TBL1XR1: variants seen among roughly 807,000 people sequenced by gnomAD.
TBL1XR1 encodes the protein F-box-like/WD repeat-containing protein TBL1XR1.
TBL1XR1 carries 5 observed loss-of-function variants against 66.9 expected under a neutral mutation model. The observed-to-expected ratio is 0.07, with a 90% CI of 0.04 to 0.16. The LOEUF is 0.16. Among genes scored for constraint, TBL1XR1 ranks in the 10% least tolerant of loss-of-function variants. The pLI is 1.00. For missense variants in TBL1XR1, 238 were observed against 623.2 expected, an observed-to-expected ratio of 0.38 and a Z score of 6.58; for synonymous variants, 210 against 206.0, an observed-to-expected ratio of 1.02 and a Z score of -0.17.
chr3:177,103,639 G>C (rs1724509580), intron 1 of TBL1XR1, among the ~76,000 whole-genome samples: 1 of 152,062 alleles, frequency 6.6e-6, no homozygotes, highest in Admixed American at 6.5e-5. Context: ...TTAATTTATA[G>C]ATAACTTTGA....
At chr3:177,098,370 G>T in intron 2 of TBL1XR1, 96 bp downstream of exon 2, 2 of 607,342 alleles carry the variant, frequency 3.3e-6, no homozygotes, top group Non-Finnish European at 2.1e-6. Context: ...GGGAACACAT[G>T]TATTTTGTCA....
chr3:177,062,346 T>C (rs552231256), intron 3 of TBL1XR1, among the ~76,000 whole-genome samples: 2 of 152,360 alleles, frequency 1.3e-5, no homozygotes, highest in African/African-American at 4.8e-5. Context: ...ACAACTAATA[T>C]AGACCAGTGG....
chr3:177,086,617 T>A (rs1722158767), intron 2 of TBL1XR1, among the ~76,000 whole-genome samples: 1 of 152,138 alleles, frequency 6.6e-6, no homozygotes, highest in African/African-American at 2.4e-5. Flanking sequence ...GCCCACAATT[T>A]TTTTTTAAGA....
chr3:177,093,588 G>A (rs530323539), intron 2 of TBL1XR1, among the ~76,000 whole-genome samples: 106 of 152,280 alleles, frequency 7.0e-4, no homozygotes, highest in Non-Finnish European at 1.2e-3. Context: ...TAAGGCCATA[G>A]TCACCAAAAC....
chr3:177,043,845 T>C (rs994358204), intron 10 of TBL1XR1, among the ~76,000 whole-genome samples: 6 of 152,338 alleles, frequency 3.9e-5, no homozygotes, highest in East Asian at 3.9e-4. Context: ...TAACTGTAAT[T>C]ATTTTTAGTA....
At chr3:177,163,832 A>G (rs1732503901) in intron 1 of TBL1XR1, 1 of 152,234 alleles carries the variant, frequency 6.6e-6, no homozygotes, top group Non-Finnish European at 1.5e-5. Context: ...ATCAGCTTCA[A>G]TTCATATGTA....
intron 2 of TBL1XR1, among the ~76,000 whole-genome samples, chr3:177,066,954 CTGAA>C (rs1168298645): frequency 1.3e-5 from 2 of 152,118 alleles, no homozygotes; most frequent in African/African-American, 4.8e-5. Context: ...TTTATATAAC[CTGAA>C]TGTTTATTAC....
intron 1 of TBL1XR1, among the ~76,000 whole-genome samples, chr3:177,105,157 A>AT (rs1724717452): frequency 6.6e-6 from 1 of 152,182 alleles, no homozygotes; most frequent in African/African-American, 2.4e-5. Flanking sequence ...ATTTTAAGTT[A>AT]TTTTTTCTTT....
chr3:177,102,650 T>G (rs1192013813), intron 1 of TBL1XR1, among the ~76,000 whole-genome samples: 2 of 152,212 alleles, frequency 1.3e-5, no homozygotes, highest in Non-Finnish European at 2.9e-5. Context: ...ATTTCTACTT[T>G]TACTCAACAT....
chr3:177,133,560 ACAC>A (rs1728555272), intron 1 of TBL1XR1, among the ~76,000 whole-genome samples: 1 of 152,190 alleles, frequency 6.6e-6, no homozygotes, highest in African/African-American at 2.4e-5. Context: ...CACAGAAGTA[ACAC>A]TACATGTTAT....
intron 1 of TBL1XR1, among the ~76,000 whole-genome samples, chr3:177,138,952 T>G (rs1729309449): frequency 6.6e-6 from 1 of 152,054 alleles, no homozygotes; most frequent in Non-Finnish European, 1.5e-5. Flanking sequence ...TCACCAAAAC[T>G]ACTATTCAAG....
intron 1 of TBL1XR1, among the ~76,000 whole-genome samples, chr3:177,132,654 G>C (rs1013776542): frequency 1.3e-5 from 2 of 152,172 alleles, no homozygotes; most frequent in Non-Finnish European, 2.9e-5. Context: ...ACATGGCCAG[G>C]AAAGGAGATG....
intron 1 of TBL1XR1, among the ~76,000 whole-genome samples, chr3:177,189,762 G>C (rs1419191777): frequency 6.6e-6 from 1 of 151,930 alleles, no homozygotes; most frequent in East Asian, 1.9e-4. Flanking sequence ...TTACTGAAGG[G>C]AGATGGTTAA....
rs377342935 is a variant in TBL1XR1 at position 177,050,176 on chromosome 3, A to G, written c.561-38T>C. 6.2e-6 allele frequency: 10 copies of G among 1,602,228 alleles called. No homozygotes were observed. The African/African-American group carries it at 1.3e-4, about 21-fold the overall frequency. ...GCAATATATTTTAGATCCTCATGAC[A>G]TTCTCACGTATCAGAACAAGGCAAC... On this transcript the variant is annotated intron_variant, in intron 6 of 15. Transcript: ENST00000457928.
chr3:177,108,402 G>A (rs1322264863), intron 1 of TBL1XR1, among the ~76,000 whole-genome samples: 1 of 152,086 alleles, frequency 6.6e-6, no homozygotes, highest in Non-Finnish European at 1.5e-5. Flanking sequence ...GAAAGAATAA[G>A]GCTTTCTGTT....
Position 177,025,409 on chromosome 3 carries a change from A to T in TBL1XR1, c.*89T>A. On this transcript the variant is annotated 3_prime_UTR_variant, in exon 16 of 16. Transcript: ENST00000457928. The stretch of plus-strand genomic sequence containing the variant: ...GGCTGTAGTGGACTGGCCATGGTTC[A>T]AGTGGGACTATAGCAGTACATGGGT... The T allele has an allele frequency of 2.9e-6, 4 of 1,395,658 alleles. No homozygotes were observed. The highest frequency in any genetic ancestry group is 4.0e-6 in the Non-Finnish European group (4 of 992,286). 86.5% of individuals were successfully genotyped at this position (1,395,658 alleles called of 1,614,324 possible). A position where few individuals can be genotyped will look rare whatever the true frequency, so the allele number is the denominator to read the frequency against.
chr3:177,189,404 G>C (rs1187708360), intron 1 of TBL1XR1, among the ~76,000 whole-genome samples: 7 of 151,862 alleles, frequency 4.6e-5, no homozygotes, highest in Non-Finnish European at 1.5e-5. Flanking sequence ...GTTAGTCCCA[G>C]CAATTTGGGA....
At chr3:177,195,537 A>C (rs1736735872) in intron 1 of TBL1XR1, 1 of 151,912 alleles carries the variant, frequency 6.6e-6, no homozygotes, top group South Asian at 2.1e-4. Flanking sequence ...AAAATGAATC[A>C]CACTGGAAAA....
At chr3:177,028,644 T>C (rs891519107) in intron 14 of TBL1XR1, among the ~76,000 whole-genome samples, 1 of 152,200 alleles carries the variant, frequency 6.6e-6, no homozygotes, top group African/African-American at 2.4e-5. Context: ...AACGTATTTA[T>C]GGGTGATAAA....
Sources: gnomAD v4.1 joint callset for allele counts (sites outside exome capture counted in the v4.1 genomes callset) on GRCh38, gnomAD v4.1.1 for gene constraint, MANE v1.5 for transcripts, NCBI Gene and HGNC (gene_info 2026-07-23, HGNC 2026-07-21) for gene names.